The following ZNF568 variants were observed in gnomAD, a reference collection of about 807,000 sequenced individuals.
ZNF568 encodes p53 inhibitor of SCO2 activation.
A neutral mutation model predicts 18.1 loss-of-function variants in ZNF568; 11 were observed. That is an observed-to-expected ratio of 0.61 (90% confidence interval 0.38 to 1.00). The LOEUF (loss-of-function observed/expected upper bound fraction) is 1.00, where lower values mean the gene tolerates loss of function less well. ZNF568 is among the 50% of genes least tolerant of loss of function. The pLI is 0.01. For missense variants in ZNF568, 639 were observed against 768.2 expected (o/e 0.83, Z 1.99); for synonymous variants, 213 against 246.6 (o/e 0.86, Z 1.28).
intron 6 of ZNF568, among the ~76,000 whole-genome samples, chr19:36,962,277 G>GTTA (rs1555736279): frequency 0.14 from 6,490 of 45,402 alleles, 812 homozygotes; most frequent in East Asian, 0.3. Flanking sequence ...GTGTTGCAGT[G>GTTA]TTTTTTTTTT....
downstream of ZNF568, among the ~76,000 whole-genome samples, chr19:36,954,996 C>T (rs549930076): frequency 2.6e-5 from 4 of 152,056 alleles, no homozygotes; most frequent in Non-Finnish European, 5.9e-5. Flanking sequence ...TCTCCTGCCT[C>T]AGCCTCCTGA....
chr19:36,997,396 GA>G, downstream of ZNF568: 2 of 1,590,200 alleles, frequency 1.3e-6, no homozygotes. Flanking sequence ...TAAGGAATGT[GA>G]AAAGGCCTTT....
chr19:36,997,338 A>G, downstream of ZNF568: 1 of 1,601,934 alleles, frequency 6.2e-7, no homozygotes, highest in African/African-American at 1.3e-5. Context: ...GTGGCTCAGA[A>G]CTTACCCGAC....
intron 6 of ZNF568, among the ~76,000 whole-genome samples, chr19:36,968,696 C>A (rs1221185990): frequency 6.6e-6 from 1 of 151,000 alleles, no homozygotes; most frequent in Non-Finnish European, 1.5e-5. Flanking sequence ...ACCATCTTAG[C>A]CAAGTGATCA....
intron 2 of ZNF568, among the ~76,000 whole-genome samples, chr19:36,922,130 G>C (rs911781440): frequency 7.2e-5 from 11 of 152,182 alleles, no homozygotes; most frequent in African/African-American, 2.7e-4. Context: ...ATTTCTGTGG[G>C]AAGTGTCTTC....
intron 4 of ZNF568, chr19:36,996,235 A>G (rs1162343947): frequency 3.7e-6 from 4 of 1,092,996 alleles, no homozygotes. Context: ...AACTATTTTT[A>G]TTTTGTCATT....
rs1343101043 is a variant in ZNF568 at position 36,970,255 on chromosome 19, T to C, written c.359-4165T>C. On this transcript the variant is annotated intron_variant, in intron 6 of 7. Transcript: ENST00000427117. ...TAACTATATAAATTTTATACATTAT[T>C]GAAATCAGCCTTTTATTTGGAACTT... Among the ~76,000 whole-genome samples, 2 of 127,426 alleles carry C rather than the reference T, an allele frequency of 1.6e-5. 1 individual carries two copies. 83.6% of individuals were successfully genotyped at this position (127,426 alleles called of 152,430 possible).
intron 4 of ZNF568, among the ~76,000 whole-genome samples, chr19:36,927,744 A>T: frequency 6.7e-6 from 1 of 148,616 alleles, no homozygotes; most frequent in Admixed American, 6.8e-5. Flanking sequence ...AAGAAATCCT[A>T]TTGGGGATTT....
intron 2 of ZNF568, among the ~76,000 whole-genome samples, chr19:36,987,981 G>C (rs956434836): frequency 6.6e-6 from 1 of 152,048 alleles, no homozygotes; most frequent in African/African-American, 2.4e-5. Flanking sequence ...CCCATGACTT[G>C]CTTTTTCTTC....
chr19:36,937,712 T>C (rs2073813984), intron 6 of ZNF568, among the ~76,000 whole-genome samples: 1 of 152,228 alleles, frequency 6.6e-6, no homozygotes, highest in Non-Finnish European at 1.5e-5. Context: ...ATAGTTTCAC[T>C]TCCCATTGTG....
intron 4 of ZNF568, 189 bp from the exon 5 acceptor site, chr19:36,936,537 TTGAGCTTCTTGAATGTATAA>T (rs2073793360): frequency 5.5e-6 from 2 of 365,880 alleles, no homozygotes; most frequent in Non-Finnish European, 9.8e-6. Flanking sequence ...CTGGAGTTCA[TTGAGCTTCTTGAATGTATAA>T]TGTTTTTTGT....
At chr19:36,969,084 T>C (rs1203100896) in intron 6 of ZNF568, among the ~76,000 whole-genome samples, 1 of 152,180 alleles carries the variant, frequency 6.6e-6, no homozygotes, top group African/African-American at 2.4e-5. Flanking sequence ...CTCAATCTCC[T>C]GACCTCCTGA....
rs1443669087 is a variant in ZNF568, at chr19:36,949,890, G to GA, written c.738dup (p.Glu247ArgfsTer7). ...ATTAGACATGAGCGAATTCATGCTG[G>GA]AGAGAAACCTTACGAATGTAAAGAA... is the stretch of plus-strand genomic sequence containing the variant. On this transcript the variant is annotated frameshift_variant, in exon 7 of 7. Transcript: ENST00000333987. LOFTEE classifies it low-confidence loss of function (END_TRUNC). 6.2e-7 allele frequency: 1 copy of GA among 1,613,942 alleles called. No homozygotes were observed. The highest frequency in any genetic ancestry group is 8.5e-7 in the Non-Finnish European group (1 of 1,179,924).
intron 7 of ZNF568, among the ~76,000 whole-genome samples, chr19:36,978,105 C>T (rs886605372): frequency 6.6e-6 from 1 of 152,232 alleles, no homozygotes; most frequent in Non-Finnish European, 1.5e-5. Flanking sequence ...CACTTTTACT[C>T]TTTGCCAATA....
At chr19:36,942,296 C>G (rs764642213) in intron 6 of ZNF568, among the ~76,000 whole-genome samples, 10 of 150,666 alleles carry the variant, frequency 6.6e-5, no homozygotes, top group Non-Finnish European at 1.5e-4. Context: ...CATTTTCAAA[C>G]ATAAGAATAG....
chr19:36,976,633 G>A (rs574054432), intron 7 of ZNF568, among the ~76,000 whole-genome samples: 27 of 152,060 alleles, frequency 1.8e-4, no homozygotes, highest in Non-Finnish European at 3.2e-4. Context: ...AGAGCTGGCC[G>A]GGTGCGGTGG....
Position 36,937,187 on chromosome 19 carries a change from G to A in ZNF568, c.303G>A (p.Glu101=), listed in dbSNP as rs1451048571. Residue 101 remains glutamate, a synonymous_variant, in exon 6 of 7, where the codon GAG becomes GAA. Coordinates refer to ENST00000333987, the MANE Select transcript of ZNF568 (RefSeq NM_198539.4). ...VTKPDVIFKL[E]QEEEPWVMEE... ...AACCGGATGTGATATTCAAGTTGGA[G>A]CAAGAAGAGGAGCCCTGGGTGATGG... The A allele has an allele frequency of 1.9e-6, 3 of 1,614,114 alleles. No individual in the cohort carries two copies. Among genetic ancestry groups the A allele is most frequent in the Admixed American group, 3.3e-5 (2 of 60,024 alleles).
At chr19:36,942,363 G>T (rs1378543095) in intron 6 of ZNF568, among the ~76,000 whole-genome samples, 1 of 151,606 alleles carries the variant, frequency 6.6e-6, no homozygotes, top group African/African-American at 2.4e-5. Context: ...ACTTTGGGAG[G>T]CCAAGGTGGG....
chr19:36,948,658 A>ATTTTTTTTTTTTTTTTTTTTTTTTTTT (rs4069585), intron 6 of ZNF568, among the ~76,000 whole-genome samples: 1 of 83,566 alleles, frequency 1.2e-5, no homozygotes. Context: ...TTTGTTGTTG[A>ATTTTTTTTTTTTTTTTTTTTTTTTTTT]TTTTTTTTTT....
Sources: allele counts gnomAD v4.1 joint callset (sites outside exome capture counted in the v4.1 genomes callset), GRCh38; gene constraint gnomAD v4.1.1; transcripts MANE v1.5; gene names NCBI Gene and HGNC (gene_info 2026-07-23, HGNC 2026-07-21).